The following SRGAP3 variants were observed in gnomAD, a reference collection of about 807,000 sequenced individuals.
The protein encoded by SRGAP3 is SLIT-ROBO Rho GTPase activating protein 3.
In SRGAP3, 39 loss-of-function variants were observed where a neutral mutation model predicts 121.1. That is an observed-to-expected ratio of 0.32 (90% CI 0.25 to 0.42). SRGAP3 has a LOEUF of 0.42. SRGAP3 is among the 10% of genes least tolerant of loss of function. The pLI is 1.00. For missense variants in SRGAP3, 1,213 were observed against 1,470.6 expected, an observed-to-expected ratio of 0.82 and a Z score of 2.86; for synonymous variants, 601 against 570.0, an observed-to-expected ratio of 1.05 and a Z score of -0.77.
At chr3:9,094,651 A>G (rs1195686080) in intron 3 of SRGAP3, among the ~76,000 whole-genome samples, 1 of 152,170 alleles carries the variant, frequency 6.6e-6, no homozygotes, top group African/African-American at 2.4e-5. Flanking sequence ...TGTTTTACCT[A>G]CCAACTGGGA....
intron 3 of SRGAP3, among the ~76,000 whole-genome samples, chr3:9,305,150 G>A (rs1955134687): frequency 6.6e-6 from 1 of 152,182 alleles, no homozygotes; most frequent in East Asian, 1.9e-4. Context: ...AGCAGGCCCA[G>A]AAAGTCTCAG....
At chr3:9,276,715 G>A (rs189997479) in intron 3 of SRGAP3, among the ~76,000 whole-genome samples, 89 of 152,284 alleles carry the variant, frequency 5.8e-4, no homozygotes, top group South Asian at 2.9e-3. Flanking sequence ...GTAAGCCACC[G>A]CATCCAGCCG....
At chr3:9,025,391 T>C (rs918897600) in intron 13 of SRGAP3, 53 bp from the exon 14 acceptor site, 12 of 1,564,096 alleles carry the variant, frequency 7.7e-6, no homozygotes, top group Non-Finnish European at 1.1e-5. Flanking sequence ...GACCTTGAGT[T>C]CATTAGACTA....
Position 9,010,313 on chromosome 3 carries a change from T to A in SRGAP3, c.2222A>T (p.Asp741Val). 1 of 1,614,152 alleles carries A rather than the reference T, an allele frequency of 6.2e-7. No homozygotes were observed. Among genetic ancestry groups the A allele is most frequent in the Non-Finnish European group, 8.5e-7 (1 of 1,180,012 alleles). Residue 741 changes from aspartate to valine, a missense_variant, in exon 18 of 22, where the codon GAT becomes GTT. Asp to Val is a radical substitution (Grantham distance 152). This residue lies in a region of SRGAP3 where 793 missense variants were observed against 1,032.9 expected (regional missense o/e 0.77). Coordinates refer to ENST00000383836, the MANE Select transcript of SRGAP3 (RefSeq NM_014850.4). ...HDNGTEPHTS[D>V]EEVEQIEAIA... ...CCAGGATCCCCCTCACTCACCTTCA[T>A]CGCTGGTATGAGGCTCAGTGCCATT... is the stretch of plus-strand genomic sequence containing the variant.
intron 3 of SRGAP3, among the ~76,000 whole-genome samples, chr3:9,322,805 T>A (rs1955458955): frequency 6.6e-6 from 1 of 151,760 alleles, no homozygotes; most frequent in Non-Finnish European, 1.5e-5. Flanking sequence ...AAAAATTGTT[T>A]ACATACACTT....
intron 14 of SRGAP3, among the ~76,000 whole-genome samples, chr3:9,024,444 G>C (rs898330420): frequency 6.6e-6 from 1 of 152,226 alleles, no homozygotes; most frequent in Non-Finnish European, 1.5e-5. Flanking sequence ...TTTCAGTGCA[G>C]CAGTGAGATA....
intron 9 of SRGAP3, among the ~76,000 whole-genome samples, chr3:9,050,600 G>A (rs1169797100): frequency 6.6e-6 from 1 of 152,252 alleles, no homozygotes; most frequent in Non-Finnish European, 1.5e-5. Flanking sequence ...AGCAAACTAA[G>A]TATTAAGAAT....
intron 1 of SRGAP3, among the ~76,000 whole-genome samples, chr3:9,153,656 T>C (rs1313616289): frequency 1.3e-5 from 2 of 152,176 alleles, no homozygotes; most frequent in Admixed American, 6.5e-5. Flanking sequence ...ATAGGAACAT[T>C]TAACACAGAC....
At chr3:9,314,212 G>A (rs1157609947) in intron 3 of SRGAP3, among the ~76,000 whole-genome samples, 1 of 152,146 alleles carries the variant, frequency 6.6e-6, no homozygotes. Flanking sequence ...GAATACTGAG[G>A]AGAGATGTCT....
At chr3:9,024,715 C>A (rs1944100998) in intron 14 of SRGAP3, among the ~76,000 whole-genome samples, 1 of 152,126 alleles carries the variant, frequency 6.6e-6, no homozygotes, top group Non-Finnish European at 1.5e-5. Context: ...AATCTCTTCC[C>A]CGCAATGTGT....
intron 1 of SRGAP3, among the ~76,000 whole-genome samples, chr3:9,222,191 T>C (rs1952835913): frequency 6.6e-6 from 1 of 152,202 alleles, no homozygotes; most frequent in Non-Finnish European, 1.5e-5. Context: ...TCCATATGTT[T>C]ACCTCCACCT....
intron 3 of SRGAP3, among the ~76,000 whole-genome samples, chr3:9,294,819 C>T (rs2648567): frequency 0.63 from 96,008 of 151,376 alleles, 31,432 homozygotes; most frequent in Non-Finnish European, 0.72. Context: ...ACACAGTAAT[C>T]TCTTTATTTG....
intron 1 of SRGAP3, among the ~76,000 whole-genome samples, chr3:9,196,444 T>C (rs373894943): frequency 1.3e-5 from 2 of 152,266 alleles, no homozygotes; most frequent in African/African-American, 4.8e-5. Context: ...AAGCTTTCAG[T>C]TGTAAAAGAG....
intron 1 of SRGAP3, chr3:9,349,184 A>G: frequency 2.8e-6 from 2 of 715,028 alleles, no homozygotes; most frequent in South Asian, 2.7e-5. Context: ...GGGTAAGGCC[A>G]AGAAGTAAAG....
chr3:9,189,368 G>C (rs1046312888), intron 1 of SRGAP3, among the ~76,000 whole-genome samples: 7 of 152,200 alleles, frequency 4.6e-5, no homozygotes, highest in Admixed American at 3.9e-4. Flanking sequence ...CAAATCGTTT[G>C]TCCCGAGTCC....
intron 1 of SRGAP3, among the ~76,000 whole-genome samples, chr3:9,227,150 T>C (rs1401181445): frequency 6.6e-6 from 1 of 152,206 alleles, no homozygotes; most frequent in Non-Finnish European, 1.5e-5. Flanking sequence ...TCCCATTTTC[T>C]AAGAGCTGCC....
chr3:9,108,212 A>G (rs566835669), intron 2 of SRGAP3, among the ~76,000 whole-genome samples: 2 of 152,186 alleles, frequency 1.3e-5, no homozygotes, highest in African/African-American at 4.8e-5. Flanking sequence ...GCTTTTAAAA[A>G]AACACCAAGA....
intron 6 of SRGAP3, chr3:9,059,210 C>T (rs920483351): frequency 1.3e-5 from 2 of 152,358 alleles, no homozygotes; most frequent in African/African-American, 4.8e-5. Context: ...ATTAAAATCA[C>T]CTATCAACAT....
At chr3:9,061,546 A>G (rs1002633630) in intron 5 of SRGAP3, among the ~76,000 whole-genome samples, 2 of 152,154 alleles carry the variant, frequency 1.3e-5, no homozygotes, top group Non-Finnish European at 2.9e-5. Flanking sequence ...TTTCTTAATA[A>G]GCACTTCCAC....
Sources: allele counts gnomAD v4.1 joint callset (sites outside exome capture counted in the v4.1 genomes callset), GRCh38; gene constraint gnomAD v4.1.1; regional missense constraint gnomAD v4.1.1; transcripts MANE v1.5; gene names NCBI Gene and HGNC (gene_info 2026-07-23, HGNC 2026-07-21).